Variants in TMEM132D observed in about 807,000 individuals in gnomAD.
TMEM132D encodes the protein mature OL transmembrane protein.
In TMEM132D, 21 loss-of-function variants were observed where a neutral mutation model predicts 62.3. The ratio of observed to expected loss-of-function variants is 0.34; its 90% CI spans 0.24 to 0.49. The LOEUF is 0.49. Ranked by LOEUF, TMEM132D falls within the 20% of genes least tolerant of loss-of-function variation. The pLI is 0.99. For missense variants in TMEM132D, 1,346 were observed against 1,402.8 expected, an observed-to-expected ratio of 0.96 and a Z score of 0.65; for synonymous variants, 621 against 575.6, an observed-to-expected ratio of 1.08 and a Z score of -1.13.
At chr12:129,209,863 G>T in intron 4 of TMEM132D, 200 bp from the exon 5 acceptor site, 1 of 654,706 alleles carries the variant, frequency 1.5e-6, no homozygotes, top group Non-Finnish European at 2.5e-6. Flanking sequence ...GATTTCCACA[G>T]GGCAACTATG....
chr12:129,085,801 T>C (rs898829325), intron 5 of TMEM132D: 1 of 152,258 alleles, frequency 6.6e-6, no homozygotes, highest in Non-Finnish European at 1.5e-5. Context: ...GGCTCCTCCA[T>C]GCCAGCGCTG....
chr12:129,087,880 CT>C, intron 5 of TMEM132D, among the ~76,000 whole-genome samples: 1 of 134,332 alleles, frequency 7.4e-6, no homozygotes, highest in Admixed American at 7.3e-5. Flanking sequence ...ACCGGGTGTC[CT>C]CCCTGACCGG....
intron 2 of TMEM132D, among the ~76,000 whole-genome samples, chr12:129,667,630 T>C (rs2137197038): frequency 6.6e-6 from 1 of 152,158 alleles, no homozygotes; most frequent in East Asian, 1.9e-4. Context: ...ATTATGTCTC[T>C]TTCTAACCTA....
At chr12:129,293,228 T>C (rs1327440823) in intron 4 of TMEM132D, among the ~76,000 whole-genome samples, 3 of 152,012 alleles carry the variant, frequency 2.0e-5, no homozygotes, top group Admixed American at 2.0e-4. Flanking sequence ...ACCCAAAAAG[T>C]CAGTTCACCA....
chr12:129,283,335 G>T (rs778241768), intron 4 of TMEM132D, among the ~76,000 whole-genome samples: 20 of 152,214 alleles, frequency 1.3e-4, no homozygotes, highest in Non-Finnish European at 2.8e-4. Context: ...GGGATTACAG[G>T]TGCATGCCAC....
At chr12:129,309,360 ATTACT>A (rs530491672) in intron 4 of TMEM132D, among the ~76,000 whole-genome samples, 158 of 152,290 alleles carry the variant, frequency 1.0e-3, no homozygotes, top group Non-Finnish European at 1.2e-3. Context: ...TAGTTCAATA[ATTACT>A]TTATCACTAC....
intron 2 of TMEM132D, among the ~76,000 whole-genome samples, chr12:129,600,856 G>A (rs1878464993): frequency 6.6e-6 from 1 of 152,112 alleles, no homozygotes; most frequent in South Asian, 2.1e-4. Flanking sequence ...ACACAGGCAG[G>A]GTAGAGTAAG....
chr12:129,731,883 C>G (rs1018632040), intron 1 of TMEM132D, among the ~76,000 whole-genome samples: 1 of 152,080 alleles, frequency 6.6e-6, no homozygotes, highest in African/African-American at 2.4e-5. Flanking sequence ...AGGATGGTCT[C>G]GATCTCCTGA....
intron 3 of TMEM132D, among the ~76,000 whole-genome samples, chr12:129,514,021 A>G (rs1875597464): frequency 1.4e-5 from 2 of 147,932 alleles, no homozygotes; most frequent in African/African-American, 5.0e-5. Flanking sequence ...TTGTATTTTC[A>G]GTGGAGACGG....
intron 3 of TMEM132D, among the ~76,000 whole-genome samples, chr12:129,398,009 C>T (rs1871483677): frequency 6.6e-6 from 1 of 152,210 alleles, no homozygotes; most frequent in Non-Finnish European, 1.5e-5. Context: ...TGCTTCAGTT[C>T]TCTCAGCCAG....
At chr12:129,191,632 A>G (rs919971113) in intron 5 of TMEM132D, among the ~76,000 whole-genome samples, 11 of 151,800 alleles carry the variant, frequency 7.2e-5, no homozygotes, top group African/African-American at 2.7e-4. Flanking sequence ...TAGGAGATAT[A>G]TATGTATATT....
intron 2 of TMEM132D, among the ~76,000 whole-genome samples, chr12:129,669,772 A>G (rs978955699): frequency 1.3e-5 from 2 of 152,140 alleles, no homozygotes; most frequent in African/African-American, 4.8e-5. Context: ...TGTACTCCTC[A>G]TCCTAGGACT....
chr12:129,689,934 C>T (rs1472001026), intron 2 of TMEM132D, among the ~76,000 whole-genome samples: 1 of 152,136 alleles, frequency 6.6e-6, no homozygotes, highest in African/African-American at 2.4e-5. Context: ...GGACAAAGCG[C>T]CACTCCCAAA....
At chr12:129,883,912 T>G (rs1429582928) in intron 1 of TMEM132D, among the ~76,000 whole-genome samples, 1 of 152,182 alleles carries the variant, frequency 6.6e-6, no homozygotes, top group Non-Finnish European at 1.5e-5. Flanking sequence ...ATTATAGACC[T>G]CAATGCAATA....
intron 1 of TMEM132D, among the ~76,000 whole-genome samples, chr12:129,810,066 G>C (rs1192387994): frequency 6.6e-6 from 1 of 152,154 alleles, no homozygotes; most frequent in Non-Finnish European, 1.5e-5. Context: ...AAAGGGAGAA[G>C]CAATTTTCCC....
intron 3 of TMEM132D, among the ~76,000 whole-genome samples, chr12:129,510,660 C>A (rs546880519): frequency 6.6e-6 from 1 of 152,086 alleles, no homozygotes; most frequent in African/African-American, 2.4e-5. Flanking sequence ...AGATAGGGGT[C>A]TAGTTTCATT....
intron 1 of TMEM132D, among the ~76,000 whole-genome samples, chr12:129,790,804 A>G (rs1871383041): frequency 6.6e-6 from 1 of 152,152 alleles, no homozygotes; most frequent in Non-Finnish European, 1.5e-5. Flanking sequence ...ATCAGTCATA[A>G]TTCTGTTTTC....
intron 2 of TMEM132D, among the ~76,000 whole-genome samples, chr12:129,652,044 G>A (rs886878293): frequency 2.6e-5 from 4 of 152,020 alleles, no homozygotes; most frequent in African/African-American, 7.2e-5. Context: ...GAACTAAAGC[G>A]AGGACCTGCA....
rs114604652 is a variant in TMEM132D, at chr12:129,610,349, C to T, written c.969-79144G>A. Among the ~76,000 whole-genome samples the T allele has an allele frequency of 6.5e-3, 982 of 151,822 alleles. 9 individuals carry two copies. The highest frequency in any genetic ancestry group is 0.022 in the African/African-American group (926 of 41,408). ...CATTATTGAATTGATTGAATTGACA[C>T]GTGCATTATACATTCTTCTATCTTA... On this transcript the variant is annotated intron_variant, in intron 2 of 8. Coordinates refer to ENST00000422113, the MANE Select transcript of TMEM132D (RefSeq NM_133448.3).
Sources: allele counts gnomAD v4.1 joint callset (sites outside exome capture counted in the v4.1 genomes callset), GRCh38; gene constraint gnomAD v4.1.1; transcripts MANE v1.5; gene names NCBI Gene and HGNC (gene_info 2026-07-23, HGNC 2026-07-21).